The following FAM89A variants were observed in gnomAD, a reference collection of about 807,000 sequenced individuals.
FAM89A encodes protein FAM89A.
A neutral mutation model predicts 7.1 loss-of-function variants in FAM89A; 10 were observed. The ratio of observed to expected loss-of-function variants is 1.40; its 90% CI spans 0.86 to 2.38. The LOEUF is 2.38. Ranked by LOEUF, FAM89A falls within the 30% of genes most tolerant of loss-of-function variation. The probability of loss-of-function intolerance (pLI) is 0.00; values close to 1 mark genes in which losing one functional copy is unlikely to be tolerated. For missense variants in FAM89A, 276 were observed against 262.8 expected (o/e 1.05, Z -0.35); for synonymous variants, 157 against 129.3 (o/e 1.21, Z -1.45).
chr1:231,037,366 T>C (rs74143534), intron 1 of FAM89A, among the ~76,000 whole-genome samples: 1 of 152,342 alleles, frequency 6.6e-6, no homozygotes, highest in African/African-American at 2.4e-5. Context: ...TTTGCTTGGC[T>C]ACATTTTCCA....
At chr1:231,027,457 T>C (rs536875949) in intron 1 of FAM89A, among the ~76,000 whole-genome samples, 2 of 152,134 alleles carry the variant, frequency 1.3e-5, no homozygotes, top group South Asian at 4.2e-4. Flanking sequence ...CACACATACA[T>C]ATGCACACGC....
chr1:231,035,255 T>C (rs1345460434), intron 1 of FAM89A, among the ~76,000 whole-genome samples: 1 of 152,220 alleles, frequency 6.6e-6, no homozygotes, highest in African/African-American at 2.4e-5. Context: ...GTTTCACAAA[T>C]TCAACTTTTT....
chr1:231,026,699 C>T (rs1418774361), intron 1 of FAM89A: 1 of 152,226 alleles, frequency 6.6e-6, no homozygotes, highest in East Asian at 1.9e-4. Flanking sequence ...CACTAACACC[C>T]GTGGCCTTTC....
chr1:231,038,329 G>A (rs887332828), intron 1 of FAM89A, among the ~76,000 whole-genome samples: 3 of 152,174 alleles, frequency 2.0e-5, no homozygotes. Flanking sequence ...AAATACTTCT[G>A]GGAATGGCAC....
Position 231,032,171 on chromosome 1 carries a change from C to T in FAM89A, c.291+7750G>A, listed in dbSNP as rs555064138. Among the ~76,000 whole-genome samples the T allele has an allele frequency of 4.6e-5, 7 of 152,326 alleles. No homozygotes were observed. In the East Asian group the frequency reaches 1.3e-3, roughly 29 times the overall value. On this transcript the variant is annotated intron_variant, in intron 1 of 1. Coordinates refer to ENST00000366654, the MANE Select transcript of FAM89A (RefSeq NM_198552.3). ...GAAGATTTAACAGTCATACTGCAAA[C>T]ATTTTACATCCCTTTTGTGACCTAA...
At chr1:231,022,104 A>T in intron 1 of FAM89A, 2 of 1,370,332 alleles carry the variant, frequency 1.5e-6, no homozygotes, top group South Asian at 2.3e-5. Context: ...TGCCTCCGTG[A>T]TTCCCTGAAG....
intron 1 of FAM89A, chr1:231,021,744 A>G: frequency 6.2e-7 from 1 of 1,601,948 alleles, no homozygotes; most frequent in Admixed American, 1.7e-5. Context: ...GCTGGAGATG[A>G]AATTGTTGAC....
chr1:231,032,837 G>A (rs1409976434), intron 1 of FAM89A, among the ~76,000 whole-genome samples: 1 of 152,160 alleles, frequency 6.6e-6, no homozygotes, highest in Non-Finnish European at 1.5e-5. Flanking sequence ...GGGAGCTCTG[G>A]GCAGAGGACA....
chr1:231,027,851 AT>A (rs1225363056), intron 1 of FAM89A, among the ~76,000 whole-genome samples: 3 of 152,182 alleles, frequency 2.0e-5, no homozygotes, highest in African/African-American at 7.2e-5. Flanking sequence ...TCAGACTGTG[AT>A]TGGTTCAGCC....
At chr1:231,028,002 C>G (rs1572355845) in intron 1 of FAM89A, among the ~76,000 whole-genome samples, 1 of 152,188 alleles carries the variant, frequency 6.6e-6, no homozygotes, top group Non-Finnish European at 1.5e-5. Flanking sequence ...CCTTTTGGAT[C>G]TCTCAGCACC....
At chr1:231,021,545 TC>T in intron 1 of FAM89A, 1 of 927,696 alleles carries the variant, frequency 1.1e-6, no homozygotes, top group Non-Finnish European at 1.7e-6. Context: ...ACATTCGACT[TC>T]CCTGCAAACC....
chr1:231,040,041 C>T lies in FAM89A; in HGVS notation c.171G>A (p.Lys57=). The T allele has an allele frequency of 6.9e-7, 1 of 1,447,396 alleles. No individual in the cohort carries two copies. Among genetic ancestry groups the T allele is most frequent in the African/African-American group, 1.5e-5 (1 of 67,936 alleles). 89.7% of individuals were successfully genotyped at this position (1,447,396 alleles called of 1,614,324 possible). A position where few individuals can be genotyped will look rare whatever the true frequency, so the allele number is the denominator to read the frequency against. Residue 57 remains lysine (K), a synonymous_variant, in exon 1 of 2, where the codon AAG becomes AAA. Coordinates refer to ENST00000366654, the MANE Select transcript of FAM89A (RefSeq NM_198552.3). ...GGCTCAGCTCGTCCTGGATGCGCGA[C>T]TTCTGCGCGTACAGCCGCTCCAGGT... The part of the protein sequence containing the change: ...WRHLERLYAQ[K]SRIQDELSRG...
intron 1 of FAM89A, among the ~76,000 whole-genome samples, chr1:231,037,097 T>G (rs1680168443): frequency 6.6e-6 from 1 of 152,192 alleles, no homozygotes; most frequent in African/African-American, 2.4e-5. Flanking sequence ...AGTGCATGCA[T>G]GTGCACAGAC....
At chr1:231,039,893 G>A (rs1423736665) in intron 1 of FAM89A, 28 bp downstream of exon 1, 3 of 1,286,822 alleles carry the variant, frequency 2.3e-6, no homozygotes, top group Non-Finnish European at 2.0e-6. Flanking sequence ...CGGCCGGGAA[G>A]AGCCCCAGCT....
intron 1 of FAM89A, among the ~76,000 whole-genome samples, chr1:231,020,389 G>A (rs772474972): frequency 9.2e-5 from 14 of 152,156 alleles, no homozygotes; most frequent in Non-Finnish European, 2.1e-4. Context: ...TTACCCTGGC[G>A]CTCCTGAGTG....
chr1:231,027,746 T>C (rs116352714), intron 1 of FAM89A, among the ~76,000 whole-genome samples: 7,959 of 152,254 alleles, frequency 0.052, 423 homozygotes, highest in African/African-American at 0.14. Flanking sequence ...ACTCCCAACC[T>C]GCACAGCCCC....
intron 1 of FAM89A, chr1:231,021,800 A>G: frequency 6.2e-7 from 1 of 1,603,112 alleles, no homozygotes; most frequent in Non-Finnish European, 8.5e-7. Context: ...TCTGACTCAC[A>G]ATGACTCTGT....
At chr1:231,020,359 ACCAGGGCAG>A (rs377675149) in intron 1 of FAM89A, among the ~76,000 whole-genome samples, 24 of 152,296 alleles carry the variant, frequency 1.6e-4, no homozygotes, top group African/African-American at 5.3e-4. Flanking sequence ...CTGTGGGGCA[ACCAGGGCAG>A]CCTGCAGAAT....
chr1:231,039,797 G>T, intron 1 of FAM89A, 124 bp downstream of exon 1: 1 of 996,872 alleles, frequency 1.0e-6, no homozygotes, highest in Non-Finnish European at 1.3e-6. Context: ...GCCGGCGCCT[G>T]GGGCGGAGGA....
Sources: allele counts gnomAD v4.1 joint callset (sites outside exome capture counted in the v4.1 genomes callset), GRCh38; gene constraint gnomAD v4.1.1; transcripts MANE v1.5; gene names NCBI Gene and HGNC (gene_info 2026-07-23, HGNC 2026-07-21).